The following ALG1L2 variants were observed in gnomAD, a reference collection of about 807,000 sequenced individuals.
ALG1L2 encodes ALG1 chitobiosyldiphosphodolichol beta-mannosyltransferase like 2.
Under a neutral mutation model 29.0 loss-of-function variants are expected in ALG1L2, and 32 were observed. The ratio of observed to expected loss-of-function variants is 1.10; its 90% CI spans 0.83 to 1.48. ALG1L2 has a LOEUF of 1.48. ALG1L2 is among the 40% of genes most tolerant of loss of function. The pLI is 0.00. For missense variants in ALG1L2, 318 were observed against 274.1 expected (o/e 1.16, Z -1.13); for synonymous variants, 110 against 109.5 (o/e 1.00, Z -0.03).
Position 130,092,282 on chromosome 3 carries a change from TCTC to T in ALG1L2, c.253+64_253+66del, listed in dbSNP as rs1049941839. ...TGAAGGGCACCTGGCCAACCTGTAT[TCTC>T]CTCACCCCTGCCAGTCCTGCATGCC... On this transcript the variant is annotated intron_variant, in intron 3 of 7. Transcript: ENST00000425059. 33 of 1,587,416 alleles carry T rather than the reference TCTC, an allele frequency of 2.1e-5. No homozygotes were observed. The African/African-American group carries it at 3.5e-4, about 17-fold the overall frequency.
intron 5 of ALG1L2, among the ~76,000 whole-genome samples, chr3:130,095,830 T>A (rs1285516948): frequency 6.6e-6 from 1 of 152,094 alleles, no homozygotes; most frequent in Non-Finnish European, 1.5e-5. Flanking sequence ...AACAAAAAAA[T>A]CAAATTGTGG....
In ALG1L2 at chr3:130,092,891, A is replaced by G. The variant is rs1935047642; in HGVS notation, c.254-210A>G. Among the ~76,000 whole-genome samples, 2 of 152,014 alleles carry G rather than the reference A, an allele frequency of 1.3e-5. 1 individual carries two copies. Among genetic ancestry groups the G allele is most frequent in the South Asian group, 4.1e-4 (2 of 4,828 alleles). The stretch of plus-strand genomic sequence containing the variant: ...CTAAAAATACAAAAATTAGCTAGGT[A>G]TGGTGGTGGGCGCCTGTAATCCCAG... On this transcript the variant is annotated intron_variant, in intron 3 of 7. Coordinates refer to ENST00000425059, the MANE Select transcript of ALG1L2 (RefSeq NM_001136152.1).
chr3:130,092,278 G>C, intron 3 of ALG1L2, 56 bp downstream of exon 3: 28 of 1,588,464 alleles, frequency 1.8e-5, no homozygotes, highest in Non-Finnish European at 2.4e-5. Flanking sequence ...TGGCCAACCT[G>C]TATTCTCCTC....
At chr3:130,097,141 G>A in intron 6 of ALG1L2, 34 bp from the exon 7 acceptor site, 2 of 1,610,824 alleles carry the variant, frequency 1.2e-6, no homozygotes, top group Non-Finnish European at 1.7e-6. Context: ...GTCTTCTCCA[G>A]GAAACTCTCG....
At chr3:130,093,667 AC>A (rs1935067191) in intron 4 of ALG1L2, among the ~76,000 whole-genome samples, 2 of 152,048 alleles carry the variant, frequency 1.3e-5, no homozygotes, top group Admixed American at 1.3e-4. Context: ...CAGGTGATCC[AC>A]CCGCCTTGGC....
chr3:130,097,994 C>T (rs928481049), intron 7 of ALG1L2, among the ~76,000 whole-genome samples: 4 of 152,154 alleles, frequency 2.6e-5, no homozygotes, highest in East Asian at 3.9e-4. Context: ...ATGTAGAGGC[C>T]GGAAGGTGCT....
At chr3:130,087,444 T>C (rs1451111414) in intron 1 of ALG1L2, among the ~76,000 whole-genome samples, 1 of 150,072 alleles carries the variant, frequency 6.7e-6, no homozygotes, top group African/African-American at 2.4e-5. Flanking sequence ...TGATCTGGGA[T>C]GATCGTTTGC....
intron 1 of ALG1L2, among the ~76,000 whole-genome samples, chr3:130,090,388 G>A (rs1183452798): frequency 1.3e-5 from 2 of 152,294 alleles, no homozygotes; most frequent in African/African-American, 4.8e-5. Flanking sequence ...ATAAATTGAG[G>A]AAGGATTTAG....
chr3:130,093,490 G>A (rs1430577518), intron 4 of ALG1L2, among the ~76,000 whole-genome samples: 1 of 149,338 alleles, frequency 6.7e-6, no homozygotes, highest in Non-Finnish European at 1.5e-5. Context: ...GCAGTGGTGC[G>A]ATCTCAGCTC....
intron 5 of ALG1L2, 73 bp from the exon 6 acceptor site, chr3:130,095,976 C>T: frequency 2.0e-6 from 3 of 1,480,376 alleles, no homozygotes; most frequent in Admixed American, 2.0e-5. Flanking sequence ...GGGGTGTTGC[C>T]TCACTGTGCT....
At chr3:130,094,947 G>A (rs1478695793) in intron 5 of ALG1L2, among the ~76,000 whole-genome samples, 1 of 152,188 alleles carries the variant, frequency 6.6e-6, no homozygotes, top group Non-Finnish European at 1.5e-5. Flanking sequence ...GGGAGTCGTG[G>A]CTTGTTCCTG....
intron 4 of ALG1L2, 115 bp from the exon 5 acceptor site, chr3:130,094,288 C>A: frequency 7.4e-7 from 1 of 1,344,356 alleles, no homozygotes; most frequent in Non-Finnish European, 1.0e-6. Flanking sequence ...CTGCAGCTGC[C>A]GAGGGGTGGA....
intron 2 of ALG1L2, among the ~76,000 whole-genome samples, 155 bp downstream of exon 2, chr3:130,091,526 C>T (rs1168425414): frequency 6.6e-6 from 1 of 152,196 alleles, no homozygotes; most frequent in Admixed American, 6.5e-5. Context: ...TTCACTGGGA[C>T]ACAACACACT....
intron 1 of ALG1L2, among the ~76,000 whole-genome samples, chr3:130,084,461 A>C (rs2108114118): frequency 7.0e-6 from 1 of 142,710 alleles, no homozygotes; most frequent in African/African-American, 2.5e-5. Flanking sequence ...TTATTATCTC[A>C]AGTGACCATG....
chr3:130,097,691 G>C (rs942681567), intron 7 of ALG1L2, among the ~76,000 whole-genome samples: 1 of 152,206 alleles, frequency 6.6e-6, no homozygotes, highest in African/African-American at 2.4e-5. Flanking sequence ...TAAAGGTCCA[G>C]GTCAGAAGTC....
At chr3:130,091,458 C>T in intron 2 of ALG1L2, 87 bp downstream of exon 2, 4 of 1,390,570 alleles carry the variant, frequency 2.9e-6, no homozygotes, top group Non-Finnish European at 4.0e-6. Context: ...GGAACCCACT[C>T]ATCCAGGGAT....
At chr3:130,087,988 T>G (rs1302186287) in intron 1 of ALG1L2, among the ~76,000 whole-genome samples, 6 of 152,304 alleles carry the variant, frequency 3.9e-5, no homozygotes, top group Non-Finnish European at 5.9e-5. Context: ...TAGCCTTTAG[T>G]GTCATTGGGT....
At chr3:130,093,029 G>GAA (rs71158104) in intron 3 of ALG1L2, 72 bp from the exon 4 acceptor site, 10,751 of 1,007,082 alleles carry the variant, frequency 0.011, 6 homozygotes, top group East Asian at 0.04. Flanking sequence ...GAGTCTGTCA[G>GAA]AAAAAAAAAA....
chr3:130,082,723 C>T (rs530917795), intron 1 of ALG1L2, among the ~76,000 whole-genome samples: 10 of 149,026 alleles, frequency 6.7e-5, no homozygotes, highest in East Asian at 1.9e-4. Flanking sequence ...GAGTTACCCC[C>T]GTCCCTTGCC....
Sources: allele counts gnomAD v4.1 joint callset (sites outside exome capture counted in the v4.1 genomes callset), GRCh38; gene constraint gnomAD v4.1.1; transcripts MANE v1.5; gene names NCBI Gene and HGNC (gene_info 2026-07-23, HGNC 2026-07-21).